LEPROTL1: variants seen among roughly 807,000 people sequenced by gnomAD.
The protein encoded by LEPROTL1 is leptin receptor overlapping transcript like 1.
A neutral mutation model predicts 15.4 loss-of-function variants in LEPROTL1; 6 were observed. That is an observed-to-expected ratio of 0.39 (90% CI 0.21 to 0.77). The LOEUF (loss-of-function observed/expected upper bound fraction) is 0.77, where lower values mean the gene tolerates loss of function less well. LEPROTL1 is among the 30% of genes least tolerant of loss of function. LEPROTL1 has a pLI of 0.41. For missense variants in LEPROTL1, 128 were observed against 158.1 expected (o/e 0.81, Z 1.02); for synonymous variants, 56 against 52.6 (o/e 1.06, Z -0.28).
chr8:30,101,326 C>T (rs766512197), intron 1 of LEPROTL1, among the ~76,000 whole-genome samples: 1 of 152,066 alleles, frequency 6.6e-6, no homozygotes, highest in Non-Finnish European at 1.5e-5. Flanking sequence ...AGGGAACCAG[C>T]GTCTGGGGAA....
rs1802471887 is a variant in LEPROTL1 at position 30,101,795 on chromosome 8, AG to A, written c.17-100del. 9.7e-6 allele frequency: 6 copies of A among 621,574 alleles called. No individual in the cohort carries two copies. The East Asian group carries it at 2.0e-4, about 21-fold the overall frequency. 38.5% of individuals were successfully genotyped at this position (621,574 alleles called of 1,614,324 possible). ...TGGCAACTTGCTATTAATACGTTTTAGGGATTTTTGCTTCTGAGGTTACAGA... is the reference window on the plus strand; with the variant it reads ...TGGCAACTTGCTATTAATACGTTTTAGGATTTTTGCTTCTGAGGTTACAGA... On this transcript the variant is annotated intron_variant, in intron 1 of 3. Coordinates refer to ENST00000321250, the MANE Select transcript of LEPROTL1 (RefSeq NM_015344.3).
intron 3 of LEPROTL1, among the ~76,000 whole-genome samples, chr8:30,125,949 C>G (rs1160979541): frequency 6.6e-6 from 1 of 152,198 alleles, no homozygotes; most frequent in Non-Finnish European, 1.5e-5. Flanking sequence ...TAATCACTAT[C>G]CCTTCACCTG....
At chr8:30,129,398 C>T (rs184233207) in intron 3 of LEPROTL1, among the ~76,000 whole-genome samples, 18 of 152,252 alleles carry the variant, frequency 1.2e-4, no homozygotes, top group Admixed American at 8.5e-4. Context: ...AGTCTGTTCT[C>T]GTAGTGCTAT....
chr8:30,132,074 T>G, intron 3 of LEPROTL1: 1 of 1,551,750 alleles, frequency 6.4e-7, no homozygotes, highest in Non-Finnish European at 8.7e-7. Context: ...GCCAGCATGA[T>G]GTAGGCAATG....
chr8:30,095,455 G>GGCTGCCGCT lies in LEPROTL1; in HGVS notation c.-49_-41dup, dbSNP rs988301180. ...CGCCGTAGCGCGTCTTGGGTCTCCC[G>GGCTGCCGCT]GCTGCCGCTGCTGCCGCCGCCGCCT... On this transcript the variant is annotated 5_prime_UTR_variant, in exon 1 of 4. Transcript: ENST00000321250. The GGCTGCCGCT allele has an allele frequency of 1.4e-5, 20 of 1,459,914 alleles. No individual in the cohort carries two copies. Among genetic ancestry groups the GGCTGCCGCT allele is most frequent in the East Asian group, 3.1e-5 (1 of 32,584 alleles). The allele number at this position is 1,459,914 out of a possible 1,614,324, so 90.4% of individuals were successfully genotyped here.
At chr8:30,122,166 C>CAA (rs796786688) in intron 3 of LEPROTL1, among the ~76,000 whole-genome samples, 2 of 130,090 alleles carry the variant, frequency 1.5e-5, no homozygotes, top group African/African-American at 2.8e-5. Flanking sequence ...GACTCCCTCT[C>CAA]AAAAAAAAAA....
chr8:30,129,824 T>C (rs1406146445), intron 3 of LEPROTL1, among the ~76,000 whole-genome samples: 5 of 151,934 alleles, frequency 3.3e-5, no homozygotes, highest in African/African-American at 4.8e-5. Context: ...TTTTACAGGC[T>C]ATACAGGAAG....
intron 1 of LEPROTL1, chr8:30,096,297 T>C (rs1802365726): frequency 1.0e-6 from 1 of 981,334 alleles, no homozygotes; most frequent in Non-Finnish European, 1.2e-6. Context: ...ATGTTGCATT[T>C]GTTCCACCTG....
At chr8:30,123,622 A>C (rs887969460) in intron 3 of LEPROTL1, among the ~76,000 whole-genome samples, 1 of 152,192 alleles carries the variant, frequency 6.6e-6, no homozygotes, top group Non-Finnish European at 1.5e-5. Flanking sequence ...TCACACACAC[A>C]TACATATACA....
Position 30,101,955 on chromosome 8 carries a change from G to A in LEPROTL1, c.74G>A (p.Cys25Tyr). ...GGACTGATGTTTTTGATGCTTGGAT[G>A]TGCCCTTCCAATATACAAGTATGTA... ...AIGLMFLMLG[C>Y]ALPIYNKYWP... Residue 25 changes from cysteine (C) to tyrosine (Y), a missense_variant, in exon 2 of 4, where the codon TGT (cysteine) becomes TAT (tyrosine). Coordinates refer to ENST00000321250, the MANE Select transcript of LEPROTL1 (RefSeq NM_015344.3). 6.2e-7 allele frequency: 1 copy of A among 1,605,964 alleles called. No homozygotes were observed. Among genetic ancestry groups the A allele is most frequent in the Non-Finnish European group, 8.5e-7 (1 of 1,173,976 alleles).
At chr8:30,129,428 G>T (rs1273349514) in intron 3 of LEPROTL1, among the ~76,000 whole-genome samples, 3 of 152,098 alleles carry the variant, frequency 2.0e-5, no homozygotes, top group African/African-American at 4.8e-5. Context: ...CCTGAGGCCG[G>T]GAGCGTTGAC....
At chr8:30,113,662 C>G (rs983874726) in intron 3 of LEPROTL1, among the ~76,000 whole-genome samples, 3 of 152,172 alleles carry the variant, frequency 2.0e-5, no homozygotes, top group Non-Finnish European at 4.4e-5. Flanking sequence ...CCTGCAGTAG[C>G]GAGGATAAGA....
At chr8:30,119,780 G>T (rs1802800219) in intron 3 of LEPROTL1, among the ~76,000 whole-genome samples, 2 of 152,180 alleles carry the variant, frequency 1.3e-5, no homozygotes, top group Admixed American at 6.5e-5. Flanking sequence ...TTATAAAAAT[G>T]CTTTTAAGTT....
intron 3 of LEPROTL1, among the ~76,000 whole-genome samples, chr8:30,131,314 A>G (rs1803011425): frequency 6.7e-6 from 1 of 148,628 alleles, no homozygotes; most frequent in Non-Finnish European, 1.5e-5. Flanking sequence ...GTGTATATAT[A>G]TATATATACA....
intron 3 of LEPROTL1, among the ~76,000 whole-genome samples, chr8:30,114,457 A>AT (rs1189332814): frequency 1.3e-5 from 2 of 151,714 alleles, no homozygotes; most frequent in Non-Finnish European, 2.9e-5. Flanking sequence ...CACTCAACTC[A>AT]TTTTTGTATT....
At chr8:30,125,494 A>C (rs1350227166) in intron 3 of LEPROTL1, among the ~76,000 whole-genome samples, 1 of 152,260 alleles carries the variant, frequency 6.6e-6, no homozygotes, top group Admixed American at 6.5e-5. Context: ...AGCACTCAGC[A>C]GATTTTCTTC....
chr8:30,098,145 C>T (rs1027436354), intron 1 of LEPROTL1, among the ~76,000 whole-genome samples: 21 of 152,140 alleles, frequency 1.4e-4, no homozygotes, highest in African/African-American at 5.1e-4. Context: ...GCAATTCTTG[C>T]TTGTATGCAA....
chr8:30,118,866 T>A (rs1161687957), intron 3 of LEPROTL1, among the ~76,000 whole-genome samples: 1 of 152,126 alleles, frequency 6.6e-6, no homozygotes, highest in African/African-American at 2.4e-5. Context: ...GATTTATGCT[T>A]CTCTCCACCC....
In LEPROTL1 at chr8:30,107,900, A is replaced by G; in HGVS notation, c.*2038A>G. Reference sequence around the variant, plus strand: ...TCTATATACTAACTGCATTGGCAGCATTGTGTCTTTGACCTTGTATACTAG... The same window carrying G: ...TCTATATACTAACTGCATTGGCAGCGTTGTGTCTTTGACCTTGTATACTAG... On this transcript the variant is annotated 3_prime_UTR_variant, in exon 4 of 4. Transcript: ENST00000321250. The G allele has an allele frequency of 1.0e-6, 1 of 985,298 alleles. No homozygotes were observed. The highest frequency in any genetic ancestry group is 1.2e-6 in the Non-Finnish European group (1 of 829,820). 61.0% of individuals were successfully genotyped at this position (985,298 alleles called of 1,614,324 possible).
Sources: gnomAD v4.1 joint callset for allele counts (sites outside exome capture counted in the v4.1 genomes callset) on GRCh38, gnomAD v4.1.1 for gene constraint, MANE v1.5 for transcripts, NCBI Gene and HGNC (gene_info 2026-07-23, HGNC 2026-07-21) for gene names.